ABCA12: variants seen among roughly 807,000 people sequenced by gnomAD.
ABCA12 encodes the protein glucosylceramide transporter ABCA12.
ABCA12 carries 156 observed loss-of-function variants against 293.5 expected under a neutral mutation model. The ratio of observed to expected loss-of-function variants is 0.53; its 90% CI spans 0.47 to 0.61. The LOEUF is 0.61. Ranked by LOEUF, ABCA12 falls within the 20% of genes least tolerant of loss-of-function variation. ABCA12 has a pLI of 0.00. For synonymous variants in ABCA12, 1,063 were observed against 1,108.0 expected (o/e 0.96, Z 0.81); for missense variants, 2,797 against 3,090.2 (o/e 0.91, Z 2.25).
At chr2:214,978,656 T>C in intron 32 of ABCA12, 148 bp downstream of exon 32, 1 of 1,047,912 alleles carries the variant, frequency 9.5e-7, no homozygotes, top group East Asian at 2.6e-5. Flanking sequence ...ATTCTCAGTC[T>C]TACATAAGAA....
intron 50 of ABCA12, among the ~76,000 whole-genome samples, chr2:214,938,851 A>T (rs546884066): frequency 6.6e-6 from 1 of 152,072 alleles, no homozygotes; most frequent in African/African-American, 2.4e-5. Flanking sequence ...TAGATTCTGG[A>T]TGTTGGCCCT....
chr2:214,994,994 T>A lies in ABCA12; in HGVS notation c.3294+2701A>T, dbSNP rs1319141543. On this transcript the variant is annotated intron_variant, in intron 23 of 52. Transcript: ENST00000272895. ...GAGAAAAAATATACTCTTCTGTATA[T>A]GTTATAAAATCAGATTTTTATAGCT... Among the ~76,000 whole-genome samples, 6 of 152,372 alleles carry A rather than the reference T, an allele frequency of 3.9e-5. No individual in the cohort carries two copies. The East Asian group carries it at 1.2e-3, about 29-fold the overall frequency.
chr2:214,987,106 G>A (rs1699804617), intron 27 of ABCA12, among the ~76,000 whole-genome samples: 1 of 152,158 alleles, frequency 6.6e-6, no homozygotes, highest in Non-Finnish European at 1.5e-5. Context: ...ATTTTAGAGT[G>A]ATAAGACTAG....
At chr2:215,059,655 A>G (rs1434538475) in intron 3 of ABCA12, among the ~76,000 whole-genome samples, 1 of 151,960 alleles carries the variant, frequency 6.6e-6, no homozygotes, top group African/African-American at 2.4e-5. Context: ...GGCTATTATT[A>G]TGGGCAGATT....
Position 214,985,211 on chromosome 2 carries a change from C to G in ABCA12, c.4163+1331G>C, listed in dbSNP as rs1482612151. On this transcript the variant is annotated intron_variant, in intron 28 of 52. Transcript: ENST00000272895. ...CTAAAATTATAGCCTCTTCAAGAGC[C>G]TTCTCTGTTCCTTTTCTTCATTAGC... Among the ~76,000 whole-genome samples the G allele has an allele frequency of 2.0e-5, 3 of 152,298 alleles. No homozygotes were observed. The East Asian group carries it at 5.8e-4, about 29-fold the overall frequency.
At position 215,034,265 on chromosome 2, in the gene ABCA12, G is replaced by A. The variant is rs116731798; in HGVS notation, c.986-2369C>T. 7.8e-3 allele frequency among the ~76,000 whole-genome samples: 1,191 copies of A among 152,264 alleles called. 8 individuals are homozygous for A. Among genetic ancestry groups the A allele is most frequent in the Admixed American group, 0.015 (232 of 15,292 alleles). On this transcript the variant is annotated intron_variant, in intron 8 of 52. Transcript: ENST00000272895. ...TTAGGTATCTTGAGATAGGAAGTTA[G>A]GAGGCAACTTTCTTCCCAGGTGTTT...
chr2:214,986,668 A>G lies in ABCA12; in HGVS notation c.4037T>C (p.Val1346Ala). ...EPEPKDLTVG[V>A]ALHGVTKIYG... ...GATCTTTGTGACCCCATGCAGGGCA[A>G]CCCCGACTGTGAGATCTTTAGGTTC... Residue 1346 changes from valine (V) to alanine (A), a missense_variant, in exon 28 of 53, where the codon GTT becomes GCT. Val to Ala is a moderately conservative substitution (Grantham distance 64). This residue lies in a region of ABCA12 where 2,130 missense variants were observed against 2,427.0 expected (regional missense o/e 0.88). Coordinates refer to ENST00000272895, the MANE Select transcript of ABCA12 (RefSeq NM_173076.3). The G allele has an allele frequency of 3.1e-6, 5 of 1,614,130 alleles. No homozygotes were observed. In the South Asian group the frequency reaches 5.5e-5, roughly 18 times the overall value.
intron 9 of ABCA12, chr2:215,029,314 T>C (rs1700820650): frequency 6.6e-6 from 1 of 152,214 alleles, no homozygotes; most frequent in East Asian, 1.9e-4. Context: ...ACACTGGCCA[T>C]TTATCTGAGA....
chr2:214,934,023 GAAT>G (rs1374550356), intron 52 of ABCA12, 52 bp downstream of exon 52: 2 of 1,550,232 alleles, frequency 1.3e-6, no homozygotes, highest in Non-Finnish European at 1.8e-6. Context: ...TAACCAGAAT[GAAT>G]AATAATATTA....
chr2:214,937,388 G>A (rs3738884), intron 51 of ABCA12, 122 bp downstream of exon 51: 263,703 of 671,298 alleles, frequency 0.39, 52,686 homozygotes, highest in South Asian at 0.45. Context: ...TTGTAGAGAC[G>A]GGGTTTCACC....
intron 2 of ABCA12, among the ~76,000 whole-genome samples, chr2:215,086,803 A>G (rs1449548785): frequency 6.6e-6 from 1 of 152,192 alleles, no homozygotes; most frequent in Non-Finnish European, 1.5e-5. Context: ...ATGCTTGCAA[A>G]TAAATATTTT....
intron 49 of ABCA12, among the ~76,000 whole-genome samples, 182 bp downstream of exon 49, chr2:214,944,819 G>T (rs1463335546): frequency 1.3e-5 from 2 of 151,574 alleles, no homozygotes; most frequent in East Asian, 3.9e-4. Context: ...TGAACTGTGG[G>T]CATTCGTTGT....
chr2:215,015,980 T>C (rs111372485), intron 14 of ABCA12, among the ~76,000 whole-genome samples: 6,252 of 151,556 alleles, frequency 0.041, 428 homozygotes, highest in African/African-American at 0.14. Context: ...CCGTCTCTAC[T>C]AAAGATACAA....
At chr2:215,011,205 C>A (rs1448303410) in intron 17 of ABCA12, among the ~76,000 whole-genome samples, 1 of 152,178 alleles carries the variant, frequency 6.6e-6, no homozygotes, top group Admixed American at 6.5e-5. Flanking sequence ...CAGGCACTTC[C>A]AAGTTGAGCG....
At chr2:215,078,898 C>G (rs560924221) in intron 2 of ABCA12, among the ~76,000 whole-genome samples, 8 of 152,154 alleles carry the variant, frequency 5.3e-5, no homozygotes, top group Non-Finnish European at 1.2e-4. Context: ...CTAGACTTCT[C>G]TAAGGCAACA....
intron 2 of ABCA12, among the ~76,000 whole-genome samples, chr2:215,081,500 A>T: frequency 7.8e-6 from 1 of 127,560 alleles, no homozygotes; most frequent in African/African-American, 2.9e-5. Flanking sequence ...AAAGAAAAAG[A>T]AAAAAGAAAA....
intron 50 of ABCA12, among the ~76,000 whole-genome samples, chr2:214,939,487 C>A (rs1000849018): frequency 2.0e-5 from 3 of 152,068 alleles, no homozygotes; most frequent in Admixed American, 2.0e-4. Flanking sequence ...GTAGTTTTTT[C>A]TAATTCTGTG....
chr2:214,982,871 A>G (rs1052864601), intron 29 of ABCA12, among the ~76,000 whole-genome samples: 13 of 152,230 alleles, frequency 8.5e-5, no homozygotes, highest in African/African-American at 2.9e-4. Context: ...ATTAAAAAAA[A>G]TAAAGCAGTG....
Position 215,011,560 on chromosome 2 carries a change from T to C in ABCA12, c.2211A>G (p.Glu737=). ...AAGAGGGCAGCATGGCAGTTAAATA[T>C]TCAGTGGTAATTCCTTGAGAACATA... The part of the protein sequence containing the change: ...QALCSQGITT[E]YLTAMLPSSQ... Residue 737 remains glutamate (E), a synonymous_variant, in exon 17 of 53, where the codon GAA becomes GAG. Transcript: ENST00000272895. 6.2e-7 allele frequency: 1 copy of C among 1,614,110 alleles called. No individual in the cohort carries two copies. Among genetic ancestry groups the C allele is most frequent in the Non-Finnish European group, 8.5e-7 (1 of 1,179,968 alleles).
Sources: gnomAD v4.1 joint callset for allele counts (sites outside exome capture counted in the v4.1 genomes callset) on GRCh38, gnomAD v4.1.1 for gene constraint, gnomAD v4.1.1 regional missense constraint, MANE v1.5 for transcripts, NCBI Gene and HGNC (gene_info 2026-07-23, HGNC 2026-07-21) for gene names.